PTPRD: variants seen among roughly 807,000 people sequenced by gnomAD.
PTPRD encodes the protein receptor-type tyrosine-protein phosphatase delta.
In PTPRD, 34 loss-of-function variants were observed where a neutral mutation model predicts 214.5. The observed-to-expected ratio is 0.16, with a 90% CI of 0.12 to 0.21. The LOEUF (loss-of-function observed/expected upper bound fraction) is 0.21. Among genes scored for constraint, PTPRD ranks in the 10% least tolerant of loss-of-function variants. PTPRD has a pLI of 1.00. For missense variants in PTPRD, 2,545 were observed against 2,398.7 expected, an observed-to-expected ratio of 1.06 and a Z score of -1.27; for synonymous variants, 1,128 against 845.7, an observed-to-expected ratio of 1.33 and a Z score of -5.79.
chr9:8,712,639 A>G (rs2098363952), intron 12 of PTPRD, among the ~76,000 whole-genome samples: 1 of 151,044 alleles, frequency 6.6e-6, no homozygotes, highest in Non-Finnish European at 1.5e-5. Context: ...CTAATCAAAC[A>G]GCTGATCTCC....
intron 3 of PTPRD, among the ~76,000 whole-genome samples, chr9:10,087,900 A>C (rs1204008026): frequency 6.6e-6 from 1 of 151,740 alleles, no homozygotes; most frequent in African/African-American, 2.4e-5. Context: ...TTCTCATGTA[A>C]GCATAATCAT....
intron 36 of PTPRD, among the ~76,000 whole-genome samples, chr9:8,390,241 C>T (rs2088979113): frequency 6.6e-6 from 1 of 152,134 alleles, no homozygotes; most frequent in African/African-American, 2.4e-5. Context: ...TCCCCTTATA[C>T]TTCAAATAAA....
intron 3 of PTPRD, among the ~76,000 whole-genome samples, chr9:10,303,219 C>A (rs2095923941): frequency 6.6e-6 from 1 of 152,088 alleles, no homozygotes; most frequent in Admixed American, 6.5e-5. Flanking sequence ...CCAATGAGAA[C>A]AAAGTCACGA....
intron 2 of PTPRD, among the ~76,000 whole-genome samples, chr9:10,555,647 CACAG>C (rs1276713532): frequency 5.3e-5 from 8 of 152,096 alleles, no homozygotes; most frequent in Non-Finnish European, 8.8e-5. Flanking sequence ...CCTTTTTGCA[CACAG>C]ACAAATCCTT....
At chr9:10,055,071 G>C (rs965451235) in intron 3 of PTPRD, among the ~76,000 whole-genome samples, 4 of 152,068 alleles carry the variant, frequency 2.6e-5, no homozygotes, top group African/African-American at 9.7e-5. Context: ...CCAGCAAGAA[G>C]GTGGCCCTCT....
intron 9 of PTPRD, among the ~76,000 whole-genome samples, chr9:9,240,506 A>C (rs1594327820): frequency 6.6e-6 from 1 of 152,270 alleles, no homozygotes; most frequent in East Asian, 1.9e-4. Context: ...CCCTGTCTCT[A>C]CTAGAAATAC....
At chr9:8,352,039 T>C (rs2075638190) in intron 39 of PTPRD, among the ~76,000 whole-genome samples, 1 of 149,988 alleles carries the variant, frequency 6.7e-6, no homozygotes, top group Admixed American at 6.6e-5. Flanking sequence ...AAACCAAAAC[T>C]CCGTCTCGAG....
At chr9:8,763,797 A>G (rs1397230434) in intron 11 of PTPRD, among the ~76,000 whole-genome samples, 1 of 152,102 alleles carries the variant, frequency 6.6e-6, no homozygotes, top group South Asian at 2.1e-4. Context: ...AATGTCCCAC[A>G]TCAAAATGAG....
At chr9:9,467,691 A>C (rs2094308953) in intron 8 of PTPRD, among the ~76,000 whole-genome samples, 1 of 150,738 alleles carries the variant, frequency 6.6e-6, no homozygotes, top group East Asian at 2.0e-4. Flanking sequence ...CTTGTGTTAA[A>C]TTTCTCTCTT....
At chr9:10,365,328 T>C (rs558280871) in intron 2 of PTPRD, among the ~76,000 whole-genome samples, 1 of 152,328 alleles carries the variant, frequency 6.6e-6, no homozygotes, top group East Asian at 1.9e-4. Flanking sequence ...ACGTAACCCC[T>C]GACTATGTTT....
chr9:10,023,122 C>T (rs931702231), intron 4 of PTPRD, among the ~76,000 whole-genome samples: 10 of 152,076 alleles, frequency 6.6e-5, no homozygotes, highest in African/African-American at 2.4e-4. Flanking sequence ...TGATTATAAG[C>T]AAAACTTATT....
At chr9:9,228,466 A>G (rs1352309688) in intron 9 of PTPRD, among the ~76,000 whole-genome samples, 1 of 152,126 alleles carries the variant, frequency 6.6e-6, no homozygotes, top group African/African-American at 2.4e-5. Flanking sequence ...ATGTTGATAT[A>G]TGTTGATATA....
chr9:9,583,093 C>T (rs934683129), intron 7 of PTPRD, among the ~76,000 whole-genome samples: 12 of 151,958 alleles, frequency 7.9e-5, no homozygotes, highest in African/African-American at 2.4e-4. Context: ...TTGATATCTT[C>T]CTCACTGAAT....
intron 7 of PTPRD, among the ~76,000 whole-genome samples, chr9:9,588,519 T>C (rs770157045): frequency 6.6e-6 from 1 of 151,948 alleles, no homozygotes; most frequent in African/African-American, 2.4e-5. Flanking sequence ...TTCTATAATA[T>C]GGTAGTTTTT....
At chr9:10,376,240 C>T (rs2097725386) in intron 2 of PTPRD, among the ~76,000 whole-genome samples, 1 of 151,788 alleles carries the variant, frequency 6.6e-6, no homozygotes, top group Non-Finnish European at 1.5e-5. Context: ...TGATATGCTA[C>T]CTGTTTTTTT....
At chr9:9,242,340 A>C (rs201102099) in intron 9 of PTPRD, among the ~76,000 whole-genome samples, 3 of 152,016 alleles carry the variant, frequency 2.0e-5, no homozygotes, top group African/African-American at 7.2e-5. Context: ...TGCTCTTCTC[A>C]AGGAGTATCT....
chr9:10,363,487 CAT>C (rs1487291063), intron 2 of PTPRD, among the ~76,000 whole-genome samples: 1 of 152,186 alleles, frequency 6.6e-6, no homozygotes, highest in Non-Finnish European at 1.5e-5. Context: ...GGAATTGTCA[CAT>C]GTGATGTTAA....
intron 44 of PTPRD, among the ~76,000 whole-genome samples, chr9:8,330,821 A>ATATATTTTTTAATAAACTCTC (rs1491334317): frequency 3.0e-4 from 45 of 152,116 alleles, no homozygotes; most frequent in Non-Finnish European, 5.3e-4. Flanking sequence ...CTGAAGCAAA[A>ATATATTTTTTAATAAACTCTC]TATATTTTTT....
chr9:10,160,500 C>A (rs1348180760), intron 3 of PTPRD, among the ~76,000 whole-genome samples: 1 of 151,684 alleles, frequency 6.6e-6, no homozygotes, highest in Admixed American at 6.6e-5. Flanking sequence ...TTAATAGATA[C>A]CAAAAAAGCA....
Sources: gnomAD v4.1 joint callset for allele counts (sites outside exome capture counted in the v4.1 genomes callset) on GRCh38, gnomAD v4.1.1 for gene constraint, MANE v1.5 for transcripts, NCBI Gene and HGNC (gene_info 2026-07-23, HGNC 2026-07-21) for gene names.